The following PDE1C variants were observed in gnomAD, a reference collection of about 807,000 sequenced individuals.
The protein encoded by PDE1C is phosphodiesterase 1C, also known as dual specificity calcium/calmodulin-dependent 3',5'-cyclic nucleotide phosphodiesterase 1C.
Under a neutral mutation model 93.1 loss-of-function variants are expected in PDE1C, and 62 were observed. The ratio of observed to expected loss-of-function variants is 0.67; its 90% CI spans 0.54 to 0.82. The LOEUF is 0.82. Among genes scored for constraint, PDE1C ranks in the 40% least tolerant of loss-of-function variants. The probability of loss-of-function intolerance (pLI) is 0.00; values close to 1 mark genes in which losing one functional copy is unlikely to be tolerated. For synonymous variants in PDE1C, 325 were observed against 310.1 expected (o/e 1.05, Z -0.50); for missense variants, 742 against 884.6 (o/e 0.84, Z 2.04).
intron 2 of PDE1C, among the ~76,000 whole-genome samples, chr7:31,930,375 T>G (rs1043328471): frequency 6.6e-6 from 1 of 151,874 alleles, no homozygotes; most frequent in Non-Finnish European, 1.5e-5. Context: ...TTCCAAACAA[T>G]AGAAAAAGAG....
chr7:31,917,959 T>G (rs543996162), intron 2 of PDE1C, among the ~76,000 whole-genome samples: 18 of 152,244 alleles, frequency 1.2e-4, no homozygotes, highest in South Asian at 4.1e-4. Flanking sequence ...TAATATTGAG[T>G]GCTACCCACA....
chr7:32,201,109 C>A (rs933350511), intron 2 of PDE1C, among the ~76,000 whole-genome samples: 3 of 152,242 alleles, frequency 2.0e-5, no homozygotes, highest in African/African-American at 4.8e-5. Flanking sequence ...ATATTAAATT[C>A]TTCCTTCATT....
chr7:31,947,876 G>T (rs1199352196), intron 2 of PDE1C, among the ~76,000 whole-genome samples: 1 of 152,128 alleles, frequency 6.6e-6, no homozygotes, highest in African/African-American at 2.4e-5. Context: ...TCTGATACTA[G>T]GCAGATTTAC....
chr7:31,638,753 G>C, the PDE1C span, among the ~76,000 whole-genome samples: 1 of 151,926 alleles, frequency 6.6e-6, no homozygotes, highest in African/African-American at 2.4e-5. Context: ...ATTGGTGTTG[G>C]GTAATTTTTC....
chr7:32,267,586 A>T (rs62457478), intron 1 of PDE1C, among the ~76,000 whole-genome samples: 14,035 of 116,628 alleles, frequency 0.12, 854 homozygotes, highest in South Asian at 0.13. Flanking sequence ...ACACACACAC[A>T]CTCTCTCTCT....
At chr7:31,826,607 G>A (rs184051375) in intron 12 of PDE1C, among the ~76,000 whole-genome samples, 10 of 152,138 alleles carry the variant, frequency 6.6e-5, no homozygotes, top group Admixed American at 4.6e-4. Context: ...GTAGAGTTCT[G>A]CCTTTATCTC....
At chr7:32,385,246 G>A (rs1199331697) in intron 1 of PDE1C, among the ~76,000 whole-genome samples, 1 of 152,136 alleles carries the variant, frequency 6.6e-6, no homozygotes, top group East Asian at 1.9e-4. Context: ...ATTCTAAGTG[G>A]AGACACTAAG....
chr7:32,211,597 G>C (rs957340082), intron 1 of PDE1C, among the ~76,000 whole-genome samples: 1 of 149,282 alleles, frequency 6.7e-6, no homozygotes, highest in African/African-American at 2.5e-5. Context: ...AAAGGGGGGG[G>C]TAAGAAAAGA....
rs752433564 is a variant in PDE1C, at chr7:32,147,984, T to TAAAAAAAAAAAAAAA, written c.308+21786_308+21800dup. 1.5e-3 allele frequency among the ~76,000 whole-genome samples: 122 copies of TAAAAAAAAAAAAAAA among 79,716 alleles called. 9 individuals carry two copies. The highest frequency in any genetic ancestry group is 6.1e-3 in the African/African-American group (109 of 17,872). 52.3% of individuals were successfully genotyped at this position (79,716 alleles called of 152,430 possible). A position where few individuals can be genotyped will look rare whatever the true frequency, so the allele number is the denominator to read the frequency against. On this transcript the variant is annotated intron_variant, in intron 3 of 18. Coordinates refer to the PDE1C transcript ENST00000396193. ...AACTTGCCTCTCAACCCATTTATGC[T>TAAAAAAAAAAAAAAA]AAAAAAAAAAAAAAAAAAAAAGCCT...
chr7:32,393,161 C>A (rs540431819), intron 1 of PDE1C, among the ~76,000 whole-genome samples: 16 of 149,120 alleles, frequency 1.1e-4, no homozygotes, highest in Non-Finnish European at 2.1e-4. Flanking sequence ...TGAACTCATA[C>A]AAATAATGAA....
At chr7:31,772,017 G>T (rs1248610020) in intron 17 of PDE1C, among the ~76,000 whole-genome samples, 3 of 147,356 alleles carry the variant, frequency 2.0e-5, no homozygotes, top group Non-Finnish European at 4.4e-5. Context: ...CTGCACTCCA[G>T]CCTGGGCGAA....
intron 7 of PDE1C, among the ~76,000 whole-genome samples, chr7:31,859,171 G>C (rs1254058826): frequency 6.7e-6 from 1 of 148,784 alleles, no homozygotes; most frequent in East Asian, 2.0e-4. Flanking sequence ...TATTGACTAT[G>C]TACATTTATG....
chr7:31,962,846 C>G (rs113528105), intron 2 of PDE1C, among the ~76,000 whole-genome samples: 3,004 of 152,224 alleles, frequency 0.02, 31 homozygotes, highest in African/African-American at 0.029. Context: ...GGGCTTGCTA[C>G]ATGAGAAGTA....
At chr7:31,653,106 G>A in the PDE1C span, 2 of 612,026 alleles carry the variant, frequency 3.3e-6, no homozygotes, top group Admixed American at 3.9e-5. Context: ...CAGTGTAGTG[G>A]GGGAGATAGA....
chr7:31,905,796 G>A (rs961611029), intron 2 of PDE1C, among the ~76,000 whole-genome samples: 1 of 152,168 alleles, frequency 6.6e-6, no homozygotes, highest in Non-Finnish European at 1.5e-5. Flanking sequence ...CATGTGTTAA[G>A]GGAGGAACCT....
chr7:32,006,762 G>A (rs1373057306), intron 2 of PDE1C, among the ~76,000 whole-genome samples: 1 of 152,202 alleles, frequency 6.6e-6, no homozygotes, highest in Non-Finnish European at 1.5e-5. Flanking sequence ...GCCAACAAAG[G>A]TGAAAAACAG....
rs186306361 is a variant in PDE1C, at chr7:32,362,508, C to T, written c.310+65314G>A. The stretch of plus-strand genomic sequence containing the variant: ...CCCTCACTTTGATCTCTTTATGTCT[C>T]AATTCTGCTGGATATTTTAAGCCAC... On this transcript the variant is annotated intron_variant, in intron 1 of 1. Transcript: ENST00000672256. 2.8e-4 allele frequency among the ~76,000 whole-genome samples: 43 copies of T among 152,212 alleles called. 1 individual carries two copies. The highest frequency in any genetic ancestry group is 4.4e-5 in the Non-Finnish European group (3 of 68,018).
chr7:32,007,829 G>A (rs1033376448), intron 2 of PDE1C, among the ~76,000 whole-genome samples: 2 of 152,106 alleles, frequency 1.3e-5, no homozygotes, highest in African/African-American at 2.4e-5. Flanking sequence ...AAAACAGTAC[G>A]TGGCACAGGG....
chr7:31,946,348 G>A (rs1584120632), intron 2 of PDE1C, among the ~76,000 whole-genome samples: 1 of 152,168 alleles, frequency 6.6e-6, no homozygotes, highest in African/African-American at 2.4e-5. Context: ...AGGGTGGAAG[G>A]CTGCCCTGCC....
Sources: gnomAD v4.1 joint callset for allele counts (sites outside exome capture counted in the v4.1 genomes callset) on GRCh38, gnomAD v4.1.1 for gene constraint, MANE v1.5 for transcripts, NCBI Gene and HGNC (gene_info 2026-07-23, HGNC 2026-07-21) for gene names.